ST3GAL3: variants seen among roughly 807,000 people sequenced by gnomAD.
The protein encoded by ST3GAL3 is CMP-N-acetylneuraminate-beta-1,4-galactoside alpha-2,3-sialyltransferase.
In ST3GAL3, 21 loss-of-function variants were observed where a neutral mutation model predicts 50.1. The observed-to-expected ratio is 0.42, with a 90% CI of 0.30 to 0.60. The LOEUF (loss-of-function observed/expected upper bound fraction) is 0.60. Ranked by LOEUF, ST3GAL3 falls within the 20% of genes least tolerant of loss-of-function variation. The pLI, the probability that ST3GAL3 is intolerant of heterozygous loss-of-function variation, is 0.19. For synonymous variants in ST3GAL3, 183 were observed against 190.0 expected, an observed-to-expected ratio of 0.96 and a Z score of 0.30; for missense variants, 353 against 489.4, an observed-to-expected ratio of 0.72 and a Z score of 2.63.
rs763780680 is a variant in ST3GAL3 at position 43,756,116 on chromosome 1, A to AAAAAAAAG, written c.118+19738_118+19739insAAAAAGAA. Among the ~76,000 whole-genome samples, 373 of 136,604 alleles carry AAAAAAAAG rather than the reference A, an allele frequency of 2.7e-3. 1 individual carries two copies. The highest frequency in any genetic ancestry group is 4.3e-3 in the Middle Eastern group (1 of 232). The allele number at this position is 136,604 out of a possible 152,430, so 89.6% of individuals were successfully genotyped here. On this transcript the variant is annotated intron_variant, in intron 2 of 11. Coordinates refer to ENST00000347631, the MANE Select transcript of ST3GAL3 (RefSeq NM_006279.5). Reference sequence around the variant, plus strand: ...AACCAGTCTCAAAAAAAAAAAAAAAAAAGAAGAAGAAGAAAAGAAAAGGAA... The same window carrying AAAAAAAAG: ...AACCAGTCTCAAAAAAAAAAAAAAAAAAAAAAAGAAGAAGAAGAAGAAAAGAAAAGGAA...
chr1:43,795,083 A>T (rs1360414646), intron 3 of ST3GAL3, among the ~76,000 whole-genome samples: 1 of 152,196 alleles, frequency 6.6e-6, no homozygotes, highest in Non-Finnish European at 1.5e-5. Flanking sequence ...GCTTTGTATT[A>T]AAAATGTAAA....
intron 2 of ST3GAL3, among the ~76,000 whole-genome samples, chr1:43,784,913 C>T (rs1191196728): frequency 2.0e-5 from 3 of 152,236 alleles, no homozygotes; most frequent in Non-Finnish European, 4.4e-5. Flanking sequence ...CAATTCTCAC[C>T]TCCTTTGGCT....
At chr1:43,876,153 A>G (rs945809169) in intron 5 of ST3GAL3, among the ~76,000 whole-genome samples, 5 of 151,934 alleles carry the variant, frequency 3.3e-5, no homozygotes, top group Non-Finnish European at 7.4e-5. Flanking sequence ...TTGTAGAGAC[A>G]GGGTTTCGCC....
intron 2 of ST3GAL3, among the ~76,000 whole-genome samples, chr1:43,739,656 C>T (rs1679988327): frequency 6.6e-6 from 1 of 152,114 alleles, no homozygotes; most frequent in South Asian, 2.1e-4. Context: ...GAACAAAACA[C>T]AACAATTATT....
chr1:43,778,931 G>A (rs987698434), intron 2 of ST3GAL3, among the ~76,000 whole-genome samples: 1 of 151,448 alleles, frequency 6.6e-6, no homozygotes, highest in Non-Finnish European at 1.5e-5. Flanking sequence ...ACAGGCGTGA[G>A]CCACTGCGCC....
At chr1:43,801,291 C>G in intron 3 of ST3GAL3, 5 of 456,276 alleles carry the variant, frequency 1.1e-5, no homozygotes, top group South Asian at 7.7e-5. Context: ...GGTACAGTGA[C>G]AGCTGATTGG....
At chr1:43,892,416 A>C (rs1050169079) in intron 5 of ST3GAL3, among the ~76,000 whole-genome samples, 6 of 152,184 alleles carry the variant, frequency 3.9e-5, no homozygotes, top group Non-Finnish European at 7.3e-5. Context: ...GTATAGCAGG[A>C]GAAAGGCAGT....
chr1:43,712,963 A>C (rs1665519252), intron 1 of ST3GAL3, among the ~76,000 whole-genome samples: 1 of 152,210 alleles, frequency 6.6e-6, no homozygotes, highest in Non-Finnish European at 1.5e-5. Flanking sequence ...GAAGATAGAA[A>C]GTGACTACTT....
intron 4 of ST3GAL3, 173 bp downstream of exon 4, chr1:43,815,106 G>C (rs2061069912): frequency 2.8e-6 from 2 of 721,900 alleles, no homozygotes; most frequent in African/African-American, 3.5e-5. Context: ...GCAGCGGCCA[G>C]AGAGGGTGGG....
chr1:43,821,285 T>C (rs1334237544), intron 4 of ST3GAL3, among the ~76,000 whole-genome samples: 1 of 152,016 alleles, frequency 6.6e-6, no homozygotes, highest in Admixed American at 6.6e-5. Flanking sequence ...GCATGACATA[T>C]TGGTGATTTG....
intron 3 of ST3GAL3, among the ~76,000 whole-genome samples, chr1:43,811,445 G>A (rs552403298): frequency 6.6e-6 from 1 of 152,110 alleles, no homozygotes; most frequent in Non-Finnish European, 1.5e-5. Context: ...CCTCTTCTCT[G>A]CGGTTCCCCC....
intron 5 of ST3GAL3, among the ~76,000 whole-genome samples, chr1:43,863,522 T>G (rs2070538427): frequency 6.6e-6 from 1 of 152,214 alleles, no homozygotes; most frequent in Admixed American, 6.5e-5. Context: ...AACAAAAGGC[T>G]GTTGATGACA....
chr1:43,734,982 G>T lies in ST3GAL3; in HGVS notation c.-30-1251G>T, dbSNP rs557773129. Among the ~76,000 whole-genome samples, 12 of 152,100 alleles carry T rather than the reference G, an allele frequency of 7.9e-5. No homozygotes were observed. The South Asian group carries it at 2.5e-3, about 32-fold the overall frequency. On this transcript the variant is annotated intron_variant, in intron 1 of 11. Transcript: ENST00000347631. ...GATGCATAGCAGGTACAGTAGCAGGGTGGGTGAATTCCAGACAGACCTTGA... is the reference window on the plus strand; with the variant it reads ...GATGCATAGCAGGTACAGTAGCAGGTTGGGTGAATTCCAGACAGACCTTGA...
chr1:43,774,254 G>C (rs1011982438), intron 2 of ST3GAL3, among the ~76,000 whole-genome samples: 1 of 152,114 alleles, frequency 6.6e-6, no homozygotes, highest in Non-Finnish European at 1.5e-5. Flanking sequence ...TTGGATTCCA[G>C]TTCTAACTTG....
At chr1:43,796,378 C>A (rs907453354) in intron 3 of ST3GAL3, among the ~76,000 whole-genome samples, 1 of 152,176 alleles carries the variant, frequency 6.6e-6, no homozygotes, top group African/African-American at 2.4e-5. Context: ...GGAAAGCAAC[C>A]GCTTTAAGTT....
At position 43,899,481 on chromosome 1, in the gene ST3GAL3, TG is replaced by T; in HGVS notation, c.558-56del. On this transcript the variant is annotated intron_variant, in intron 8 of 11. Transcript: ENST00000347631. The surrounding 1 kb of genome is among the most constrained non-coding windows in gnomAD (Gnocchi z 5.4). ...CCTATTCTCCATGCCTGGGATAGTCTGGGGTCATGGTGCCTTCCCAAACACA... is the reference window on the plus strand; with the variant it reads ...CCTATTCTCCATGCCTGGGATAGTCTGGGTCATGGTGCCTTCCCAAACACA... The T allele has an allele frequency of 6.2e-7, 1 of 1,604,150 alleles. No individual in the cohort carries two copies. Among genetic ancestry groups the T allele is most frequent in the Non-Finnish European group, 8.5e-7 (1 of 1,177,818 alleles).
chr1:43,895,573 T>C (rs1365726439), intron 6 of ST3GAL3, among the ~76,000 whole-genome samples: 1 of 152,134 alleles, frequency 6.6e-6, no homozygotes, highest in East Asian at 1.9e-4. Context: ...GTTGTCAGAA[T>C]TACATAAAAT....
chr1:43,876,044 T>C (rs2074055675), intron 5 of ST3GAL3, among the ~76,000 whole-genome samples: 1 of 151,704 alleles, frequency 6.6e-6, no homozygotes, highest in Non-Finnish European at 1.5e-5. Flanking sequence ...CTTGGTTCAC[T>C]GCAGCCTCGA....
At chr1:43,798,564 T>G (rs1280054440) in intron 3 of ST3GAL3, among the ~76,000 whole-genome samples, 1 of 152,180 alleles carries the variant, frequency 6.6e-6, no homozygotes, top group Non-Finnish European at 1.5e-5. Flanking sequence ...TAGACTGTTC[T>G]TACCTCCTGC....
Sources: gnomAD v4.1 joint callset for allele counts (sites outside exome capture counted in the v4.1 genomes callset) on GRCh38, gnomAD v4.1.1 for gene constraint, Gnocchi (gnomAD v3.1) non-coding constraint, MANE v1.5 for transcripts, NCBI Gene and HGNC (gene_info 2026-07-23, HGNC 2026-07-21) for gene names.